The following SPIRE1 variants were observed in gnomAD, a reference collection of about 807,000 sequenced individuals.
SPIRE1 encodes spire type actin nucleation factor 1.
SPIRE1 carries 40 observed loss-of-function variants against 94.1 expected under a neutral mutation model. The ratio of observed to expected loss-of-function variants is 0.43; its 90% CI spans 0.33 to 0.55. The LOEUF is 0.55. Among genes scored for constraint, SPIRE1 ranks in the 20% least tolerant of loss-of-function variants. The pLI, the probability that SPIRE1 is intolerant of heterozygous loss-of-function variation, is 0.06. For missense variants in SPIRE1, 838 were observed against 975.2 expected (o/e 0.86, Z 1.87); for synonymous variants, 376 against 371.7 (o/e 1.01, Z -0.13).
intron 2 of SPIRE1, among the ~76,000 whole-genome samples, chr18:12,577,577 A>C (rs780553777): frequency 2.6e-5 from 4 of 152,258 alleles, no homozygotes; most frequent in Non-Finnish European, 5.9e-5. Context: ...TTATCTACAT[A>C]GTCATTGTCA....
At chr18:12,564,969 C>T (rs186392871) in intron 2 of SPIRE1, among the ~76,000 whole-genome samples, 83 of 151,516 alleles carry the variant, frequency 5.5e-4, no homozygotes, top group African/African-American at 1.8e-3. Flanking sequence ...ATAGGAATAA[C>T]AAAAGAAGAA....
chr18:12,576,665 A>G (rs1019204730), intron 2 of SPIRE1, among the ~76,000 whole-genome samples: 8 of 151,274 alleles, frequency 5.3e-5, no homozygotes, highest in South Asian at 4.2e-4. Flanking sequence ...CAAGGCGGGC[A>G]GATCACGAGG....
At chr18:12,520,231 A>G (rs1286797668) in intron 4 of SPIRE1, among the ~76,000 whole-genome samples, 1 of 152,230 alleles carries the variant, frequency 6.6e-6, no homozygotes, top group Non-Finnish European at 1.5e-5. Context: ...ATCTCTCTGC[A>G]AAGATAAAAA....
At chr18:12,451,040 G>A in intron 16 of SPIRE1, 3 of 486,344 alleles carry the variant, frequency 6.2e-6, no homozygotes, top group Non-Finnish European at 1.1e-5. Flanking sequence ...GGAGGAGGAG[G>A]AGGAGGAGGA....
intron 2 of SPIRE1, among the ~76,000 whole-genome samples, chr18:12,593,654 G>A (rs980568930): frequency 2.6e-5 from 4 of 152,178 alleles, no homozygotes; most frequent in African/African-American, 9.6e-5. Context: ...ATACACTTAA[G>A]AAAGCATGCA....
chr18:12,614,198 C>T (rs2037221233), intron 2 of SPIRE1, among the ~76,000 whole-genome samples: 1 of 152,020 alleles, frequency 6.6e-6, no homozygotes, highest in South Asian at 2.1e-4. Context: ...AAGGTGCAGA[C>T]TGCAGTGAGC....
chr18:12,533,413 AT>A (rs1009409067), intron 4 of SPIRE1, among the ~76,000 whole-genome samples: 4 of 151,838 alleles, frequency 2.6e-5, no homozygotes, highest in Admixed American at 2.0e-4. Flanking sequence ...AGAGCAAAAA[AT>A]TTTTTTTTAC....
chr18:12,601,212 G>C (rs982958491), intron 2 of SPIRE1, among the ~76,000 whole-genome samples: 1 of 150,696 alleles, frequency 6.6e-6, no homozygotes, highest in Non-Finnish European at 1.5e-5. Flanking sequence ...CTTAAGGTTC[G>C]AGACCAGCCC....
intron 6 of SPIRE1, among the ~76,000 whole-genome samples, chr18:12,504,436 G>A (rs1159383941): frequency 6.6e-6 from 1 of 152,084 alleles, no homozygotes; most frequent in African/African-American, 2.4e-5. Flanking sequence ...GAACCTGGGA[G>A]GTGGAGGTTG....
At chr18:12,465,962 T>C (rs1244849475) in intron 10 of SPIRE1, among the ~76,000 whole-genome samples, 2 of 151,672 alleles carry the variant, frequency 1.3e-5, no homozygotes, top group Non-Finnish European at 2.9e-5. Flanking sequence ...CACGCGCCTG[T>C]AGTCCCAGCT....
chr18:12,661,592 T>C (rs1739040178), upstream of SPIRE1, among the ~76,000 whole-genome samples: 1 of 151,896 alleles, frequency 6.6e-6, no homozygotes, highest in Admixed American at 6.6e-5. Flanking sequence ...GCCAACATGG[T>C]GAAACCTCGT....
intron 11 of SPIRE1, among the ~76,000 whole-genome samples, chr18:12,464,245 C>T (rs2031996325): frequency 8.7e-6 from 1 of 115,264 alleles, no homozygotes; most frequent in South Asian, 3.5e-4. Context: ...CAATTGGGTC[C>T]CTATAATATC....
intron 12 of SPIRE1, among the ~76,000 whole-genome samples, chr18:12,461,546 T>C (rs4998301): frequency 0.064 from 7,982 of 125,692 alleles, 477 homozygotes; most frequent in African/African-American, 0.14. Flanking sequence ...TACATATGTA[T>C]ATACATACAT....
chr18:12,505,562 A>AC (rs2033803719), intron 6 of SPIRE1, among the ~76,000 whole-genome samples: 2 of 138,778 alleles, frequency 1.4e-5, no homozygotes, highest in Non-Finnish European at 3.2e-5. Flanking sequence ...CAAAAAAAAA[A>AC]AAAAACAAAA....
intron 10 of SPIRE1, among the ~76,000 whole-genome samples, chr18:12,474,348 C>T (rs569318179): frequency 2.6e-5 from 4 of 152,096 alleles, no homozygotes; most frequent in Admixed American, 6.5e-5. Flanking sequence ...CAGTGGGCCA[C>T]TCCCTCTTGG....
intron 2 of SPIRE1, among the ~76,000 whole-genome samples, chr18:12,586,348 C>T (rs1000346260): frequency 4.7e-4 from 72 of 152,196 alleles, no homozygotes; most frequent in Admixed American, 3.9e-3. Flanking sequence ...AAGTCTAAAA[C>T]TGTTACTGCC....
intron 16 of SPIRE1, 52 bp downstream of exon 16, chr18:12,452,203 T>C (rs2031274486): frequency 6.2e-7 from 1 of 1,609,438 alleles, no homozygotes; most frequent in Non-Finnish European, 8.5e-7. Context: ...TCCTCAAGAG[T>C]AGAACTCTTC....
chr18:12,581,404 G>A (rs1243469796), intron 2 of SPIRE1, among the ~76,000 whole-genome samples: 3 of 151,832 alleles, frequency 2.0e-5, no homozygotes, highest in African/African-American at 7.3e-5. Flanking sequence ...TTTCCGTTTT[G>A]AAAACAGTAA....
chr18:12,584,273 T>C (rs989959285), intron 2 of SPIRE1, among the ~76,000 whole-genome samples: 1 of 151,712 alleles, frequency 6.6e-6, no homozygotes, highest in African/African-American at 2.4e-5. Context: ...CTACTAAAAC[T>C]TCAAAAATTA....
Sources: gnomAD v4.1 joint callset for allele counts (sites outside exome capture counted in the v4.1 genomes callset) on GRCh38, gnomAD v4.1.1 for gene constraint, MANE v1.5 for transcripts, NCBI Gene and HGNC (gene_info 2026-07-23, HGNC 2026-07-21) for gene names.